Variants in LMF1 observed in about 807,000 individuals in gnomAD.
LMF1 encodes the protein lipase maturation factor 1.
A neutral mutation model predicts 60.6 loss-of-function variants in LMF1; 68 were observed. The ratio of observed to expected loss-of-function variants is 1.12; its 90% CI spans 0.92 to 1.37. LMF1 has a LOEUF of 1.37. Among genes scored for constraint, LMF1 ranks in the 40% most tolerant of loss-of-function variants. LMF1 has a pLI of 0.00. For missense variants in LMF1, 948 were observed against 767.2 expected (o/e 1.24, Z -2.78); for synonymous variants, 418 against 324.7 (o/e 1.29, Z -3.09).
chr16:887,745 A>G (rs2151724713), intron 5 of LMF1, among the ~76,000 whole-genome samples: 1 of 152,206 alleles, frequency 6.6e-6, no homozygotes, highest in South Asian at 2.1e-4. Context: ...GTACCCTGGA[A>G]GGCATGGCCG....
At chr16:934,207 A>G (rs1450462012) in intron 3 of LMF1, 37 bp downstream of exon 3, 2 of 1,599,270 alleles carry the variant, frequency 1.3e-6, no homozygotes, top group East Asian at 4.5e-5. Flanking sequence ...ACAACGCTCA[A>G]CTCTCGCAGA....
intron 2 of LMF1, chr16:934,572 G>A (rs773445702): frequency 3.1e-5 from 12 of 381,122 alleles, no homozygotes; most frequent in Non-Finnish European, 5.4e-5. Context: ...TAAATGCCAC[G>A]GCAAATGTCA....
At chr16:891,367 C>G (rs1051001121) in intron 5 of LMF1, among the ~76,000 whole-genome samples, 1 of 152,250 alleles carries the variant, frequency 6.6e-6, no homozygotes, top group African/African-American at 2.4e-5. Flanking sequence ...CTTTGAAATG[C>G]AGCCACTCCA....
chr16:856,766 C>T (rs764842030), intron 10 of LMF1, among the ~76,000 whole-genome samples: 29 of 152,242 alleles, frequency 1.9e-4, no homozygotes, highest in Non-Finnish European at 4.1e-4. Context: ...ACAAAGTACC[C>T]GAGAAGGCCA....
Position 878,131 on chromosome 16 carries a change from AG to A in LMF1, c.897+1438del, listed in dbSNP as rs1175442502. On this transcript the variant is annotated intron_variant, in intron 6 of 10. Transcript: ENST00000262301. The surrounding 1 kb of genome is among the most constrained non-coding windows in gnomAD (Gnocchi z 5.2). ...TGGAATCCACTGAAGCTATTCCAGG[AG>A]CCCCCAAACACGCGTGGGGTCCGGC... Among the ~76,000 whole-genome samples the A allele has an allele frequency of 6.6e-6, 1 of 152,098 alleles. No individual in the cohort carries two copies. Among genetic ancestry groups the A allele is most frequent in the African/African-American group, 2.4e-5 (1 of 41,402 alleles).
At position 958,421 on chromosome 16, in the gene LMF1, A is replaced by C. The variant is rs141129849; in HGVS notation, c.194-3755T>G. Among the ~76,000 whole-genome samples, 552 of 151,474 alleles carry C rather than the reference A, an allele frequency of 3.6e-3. 4 individuals carry two copies. The highest frequency in any genetic ancestry group is 0.013 in the African/African-American group (528 of 41,484). On this transcript the variant is annotated intron_variant, in intron 1 of 10. Transcript: ENST00000262301. ...TTAGAAAACAAACAACCCAATGTTA[A>C]AGGTGGGAAGAAAAAACCAGGCCAC...
intron 3 of LMF1, among the ~76,000 whole-genome samples, chr16:925,040 G>A (rs924429256): frequency 1.3e-5 from 2 of 152,236 alleles, no homozygotes; most frequent in African/African-American, 2.4e-5. Flanking sequence ...TCCGCAGAGT[G>A]CTGGGTGCGA....
chr16:872,113 A>G (rs920333053), intron 6 of LMF1: 5 of 152,098 alleles, frequency 3.3e-5, no homozygotes, highest in African/African-American at 4.8e-5. Flanking sequence ...GTGCTGCCAG[A>G]CCTCACCCCT....
intron 4 of LMF1, among the ~76,000 whole-genome samples, chr16:904,240 C>G (rs604507): frequency 0.014 from 357 of 25,922 alleles, 78 homozygotes; most frequent in African/African-American, 0.078. Flanking sequence ...TCTGCTGCGT[C>G]GTGGTGACCT....
chr16:949,965 C>T (rs1487106281), intron 2 of LMF1, among the ~76,000 whole-genome samples: 1 of 133,280 alleles, frequency 7.5e-6, no homozygotes, highest in Admixed American at 7.7e-5. Context: ...GAGTCAGAGA[C>T]GACAGAGTCA....
chr16:906,444 G>A (rs375771954), intron 4 of LMF1, among the ~76,000 whole-genome samples: 25 of 152,186 alleles, frequency 1.6e-4, no homozygotes, highest in African/African-American at 5.8e-4. Context: ...GGAGAAGAGG[G>A]GAGACGGGCC....
intron 2 of LMF1, among the ~76,000 whole-genome samples, chr16:953,239 G>A (rs866926434): frequency 2.6e-4 from 17 of 64,998 alleles, no homozygotes; most frequent in Non-Finnish European, 3.8e-4. Context: ...CCTCCTACAT[G>A]TCCACACAGA....
At chr16:966,384 A>G (rs577777296) in intron 1 of LMF1, among the ~76,000 whole-genome samples, 4 of 152,350 alleles carry the variant, frequency 2.6e-5, no homozygotes, top group East Asian at 1.9e-4. Flanking sequence ...AGGCCTGTCC[A>G]GGACTCGGCC....
chr16:897,274 C>G lies in LMF1; in HGVS notation c.664-4202G>C, dbSNP rs2070692227. On this transcript the variant is annotated intron_variant, in intron 4 of 10. Coordinates refer to ENST00000262301, the MANE Select transcript of LMF1 (RefSeq NM_022773.4). This position sits in a 1 kb window ranked among gnomAD's most constrained non-coding sequence, Gnocchi z 4.3. ...GACACTCTGTGGAGACCCCGCTTCTCTCACTTGGCCCCCAGAGGCCGCCAT... is the reference window on the plus strand; with the variant it reads ...GACACTCTGTGGAGACCCCGCTTCTGTCACTTGGCCCCCAGAGGCCGCCAT... Among the ~76,000 whole-genome samples, 1 of 152,224 alleles carries G rather than the reference C, an allele frequency of 6.6e-6. No homozygotes were observed. The highest frequency in any genetic ancestry group is 6.5e-5 in the Admixed American group (1 of 15,290).
chr16:888,759 G>T (rs951485825), intron 5 of LMF1, among the ~76,000 whole-genome samples: 1 of 152,200 alleles, frequency 6.6e-6, no homozygotes, highest in African/African-American at 2.4e-5. Flanking sequence ...AGGTACAGGG[G>T]GCAGTGTGTG....
intron 6 of LMF1, among the ~76,000 whole-genome samples, chr16:875,385 T>C (rs1007393876): frequency 3.9e-5 from 6 of 152,128 alleles, no homozygotes. Flanking sequence ...TCTAACCCCC[T>C]GGCCAGGTTC....
At chr16:876,435 C>T (rs1255704898) in intron 6 of LMF1, among the ~76,000 whole-genome samples, 4 of 152,132 alleles carry the variant, frequency 2.6e-5, no homozygotes, top group Non-Finnish European at 4.4e-5. Flanking sequence ...AGCAACACTG[C>T]GAATGGCTCT....
intron 2 of LMF1, among the ~76,000 whole-genome samples, chr16:936,304 G>C (rs1320168446): frequency 6.9e-6 from 1 of 144,286 alleles, no homozygotes. Flanking sequence ...AGGGCACCCC[G>C]TGGGCTGAGG....
chr16:889,353 G>A (rs1409562468), intron 5 of LMF1, among the ~76,000 whole-genome samples: 1 of 146,584 alleles, frequency 6.8e-6, no homozygotes, highest in African/African-American at 2.6e-5. Flanking sequence ...GGGGTGTGAG[G>A]CTGCGGATGG....
Sources: allele counts gnomAD v4.1 joint callset (sites outside exome capture counted in the v4.1 genomes callset), GRCh38; gene constraint gnomAD v4.1.1; non-coding constraint Gnocchi (gnomAD v3.1); transcripts MANE v1.5; gene names NCBI Gene and HGNC (gene_info 2026-07-23, HGNC 2026-07-21).